MAP2K6: variants seen among roughly 807,000 people sequenced by gnomAD.
MAP2K6 encodes dual specificity mitogen-activated protein kinase kinase 6.
In MAP2K6, 16 loss-of-function variants were observed where a neutral mutation model predicts 53.7. That is an observed-to-expected ratio of 0.30 (90% CI 0.20 to 0.45). MAP2K6 has a LOEUF of 0.45. Ranked by LOEUF, MAP2K6 falls within the 20% of genes least tolerant of loss-of-function variation. The probability of loss-of-function intolerance (pLI) is 1.00; values close to 1 mark genes in which losing one functional copy is unlikely to be tolerated. For synonymous variants in MAP2K6, 132 were observed against 143.1 expected, an observed-to-expected ratio of 0.92 and a Z score of 0.55; for missense variants, 204 against 411.9, an observed-to-expected ratio of 0.50 and a Z score of 4.37.
chr17:69,541,530 T>G, intron 11 of MAP2K6, 146 bp from the exon 12 acceptor site: 1 of 495,770 alleles, frequency 2.0e-6, no homozygotes, highest in South Asian at 2.5e-5. Flanking sequence ...AGATGTGTGC[T>G]TGATTTTGGA....
At chr17:69,482,492 A>T (rs1456754634) in intron 1 of MAP2K6, among the ~76,000 whole-genome samples, 2 of 151,942 alleles carry the variant, frequency 1.3e-5, no homozygotes, top group Non-Finnish European at 2.9e-5. Context: ...TTATGCATGT[A>T]TAAGCAACTC....
At chr17:69,536,064 T>C in intron 10 of MAP2K6, 51 bp from the exon 11 acceptor site, 1 of 1,257,220 alleles carries the variant, frequency 8.0e-7, no homozygotes, top group Non-Finnish European at 1.2e-6. Context: ...CCTTGTCTAA[T>C]GAAAATATAT....
intron 1 of MAP2K6, among the ~76,000 whole-genome samples, chr17:69,449,535 T>TTCTTTCTTTG (rs1167248594): frequency 0.13 from 9,964 of 75,944 alleles, 580 homozygotes; most frequent in Non-Finnish European, 0.17. Context: ...TTCTTTGTCT[T>TTCTTTCTTTG]TCTTTCTTTC....
chr17:69,469,932 T>C (rs1413938148), intron 1 of MAP2K6, among the ~76,000 whole-genome samples: 2 of 152,138 alleles, frequency 1.3e-5, no homozygotes, highest in African/African-American at 4.8e-5. Context: ...TGGTGGCTCA[T>C]GCCTCATGCC....
At chr17:69,459,589 A>G (rs1342605580) in intron 1 of MAP2K6, among the ~76,000 whole-genome samples, 1 of 151,342 alleles carries the variant, frequency 6.6e-6, no homozygotes, top group Non-Finnish European at 1.5e-5. Flanking sequence ...GTGCGTGCCT[A>G]TAGTCCCAGC....
At position 69,544,761 on chromosome 17, in the gene MAP2K6, C is replaced by T. The variant is rs1346722273; in HGVS notation, c.*3008C>T. 3 of 152,082 alleles carry T rather than the reference C, an allele frequency of 2.0e-5. No homozygotes were observed. The highest frequency in any genetic ancestry group is 7.2e-5 in the African/African-American group (3 of 41,394). 9.4% of individuals were successfully genotyped at this position (152,082 alleles called of 1,614,324 possible). A position where few individuals can be genotyped will look rare whatever the true frequency, so the allele number is the denominator to read the frequency against. ...ATATGCATAACTTTTAAGACTATTA[C>T]CCTATGTTTGTACGTATGAGTGAAT... On this transcript the variant is annotated 3_prime_UTR_variant, in exon 12 of 12. Transcript: ENST00000590474.
intron 7 of MAP2K6, among the ~76,000 whole-genome samples, chr17:69,522,563 T>G (rs997107567): frequency 3.9e-5 from 6 of 152,200 alleles, no homozygotes; most frequent in Admixed American, 2.6e-4. Flanking sequence ...CAAATGTTAT[T>G]ATCCAGAGAT....
intron 1 of MAP2K6, among the ~76,000 whole-genome samples, chr17:69,471,773 A>C (rs1042950625): frequency 6.6e-6 from 1 of 152,260 alleles, no homozygotes; most frequent in African/African-American, 2.4e-5. Flanking sequence ...GTCAGCTTTA[A>C]ATCTGTATTA....
At chr17:69,490,814 C>T (rs2145202462) in intron 1 of MAP2K6, among the ~76,000 whole-genome samples, 1 of 152,042 alleles carries the variant, frequency 6.6e-6, no homozygotes, top group East Asian at 1.9e-4. Flanking sequence ...TATTTCATTA[C>T]CCAAGTATTA....
intron 1 of MAP2K6, among the ~76,000 whole-genome samples, chr17:69,423,922 C>A (rs1906177999): frequency 6.6e-6 from 1 of 152,110 alleles, no homozygotes; most frequent in African/African-American, 2.4e-5. Flanking sequence ...ATGGCAAAAA[C>A]CACAATTACT....
At chr17:69,446,669 G>A (rs776531575) in intron 1 of MAP2K6, among the ~76,000 whole-genome samples, 2 of 152,050 alleles carry the variant, frequency 1.3e-5, no homozygotes, top group Admixed American at 6.5e-5. Context: ...TGCCAACTTC[G>A]ATCAGGGGCA....
At chr17:69,478,189 G>A (rs1908220705) in intron 1 of MAP2K6, among the ~76,000 whole-genome samples, 1 of 152,174 alleles carries the variant, frequency 6.6e-6, no homozygotes, top group Admixed American at 6.5e-5. Context: ...ATTATACTTG[G>A]TAGGCAGCCT....
intron 1 of MAP2K6, among the ~76,000 whole-genome samples, chr17:69,452,720 CAAAG>C (rs1907271146): frequency 1.3e-5 from 2 of 152,020 alleles, no homozygotes; most frequent in African/African-American, 4.8e-5. Context: ...AAAAATTTTG[CAAAG>C]AAATAGTAGA....
intron 1 of MAP2K6, among the ~76,000 whole-genome samples, chr17:69,496,953 T>C (rs2716218): frequency 0.57 from 86,128 of 151,444 alleles, 24,969 homozygotes; most frequent in Middle Eastern, 0.71. Flanking sequence ...ATCATTTTTA[T>C]TACCACTACT....
At chr17:69,507,353 T>C (rs1567845285) in intron 2 of MAP2K6, among the ~76,000 whole-genome samples, 1 of 151,450 alleles carries the variant, frequency 6.6e-6, no homozygotes, top group South Asian at 2.1e-4. Flanking sequence ...TGTGTGTGTG[T>C]GTGCACGTGT....
In MAP2K6 at chr17:69,522,578, G is replaced by T. The variant is rs146679554; in HGVS notation, c.536-936G>T. ...CAAATGTTATTATCCAGAGATAATC[G>T]TAGTTCCATTTTTTGGGCATATGGG... is the stretch of plus-strand genomic sequence containing the variant. On this transcript the variant is annotated intron_variant, in intron 7 of 11. Coordinates refer to ENST00000590474, the MANE Select transcript of MAP2K6 (RefSeq NM_002758.4). 6.2e-4 allele frequency among the ~76,000 whole-genome samples: 94 copies of T among 152,044 alleles called. 2 individuals carry two copies. The highest frequency in any genetic ancestry group is 1.0e-4 in the Non-Finnish European group (7 of 67,998).
intron 11 of MAP2K6, among the ~76,000 whole-genome samples, chr17:69,536,926 C>CA (rs1284570714): frequency 6.6e-6 from 1 of 150,718 alleles, no homozygotes; most frequent in East Asian, 2.0e-4. Context: ...ACAAAAAGTA[C>CA]AAAAAATTAG....
chr17:69,448,838 C>G (rs1255509706), intron 1 of MAP2K6, among the ~76,000 whole-genome samples: 1 of 152,108 alleles, frequency 6.6e-6, no homozygotes, highest in African/African-American at 2.4e-5. Flanking sequence ...TTTCTTCTGT[C>G]CTTGGGATTC....
At chr17:69,474,138 G>A (rs1486936440) in intron 1 of MAP2K6, among the ~76,000 whole-genome samples, 2 of 152,196 alleles carry the variant, frequency 1.3e-5, no homozygotes, top group Non-Finnish European at 2.9e-5. Context: ...ATGGGCAAGG[G>A]CTACATGTTT....
Sources: allele counts gnomAD v4.1 joint callset (sites outside exome capture counted in the v4.1 genomes callset), GRCh38; gene constraint gnomAD v4.1.1; transcripts MANE v1.5; gene names NCBI Gene and HGNC (gene_info 2026-07-23, HGNC 2026-07-21).